Variants in VPS37A observed in about 807,000 individuals in gnomAD.
The protein encoded by VPS37A is vacuolar protein sorting-associated protein 37A.
In VPS37A, 30 loss-of-function variants were observed where a neutral mutation model predicts 49.8. The observed-to-expected ratio is 0.60, with a 90% CI of 0.45 to 0.82. The LOEUF is 0.82. Ranked by LOEUF, VPS37A falls within the 40% of genes least tolerant of loss-of-function variation. The pLI, the probability that VPS37A is intolerant of heterozygous loss-of-function variation, is 0.00. For synonymous variants in VPS37A, 195 were observed against 160.6 expected, an observed-to-expected ratio of 1.21 and a Z score of -1.62; for missense variants, 593 against 464.4, an observed-to-expected ratio of 1.28 and a Z score of -2.55.
downstream of VPS37A, chr8:17,305,908 G>GGT: frequency 6.2e-7 from 1 of 1,613,538 alleles, no homozygotes; most frequent in South Asian, 1.1e-5. Context: ...TCAATGAACT[G>GGT]GTCAATAACT....
At chr8:17,299,700 T>TAAGA (rs1816973913), downstream of VPS37A, 1 of 908,604 alleles carries the variant, frequency 1.1e-6, no homozygotes, top group Non-Finnish European at 1.6e-6. Flanking sequence ...CTTCAGTATC[T>TAAGA]AAGAAATCAA....
At chr8:17,304,937 G>A (rs1013488307), downstream of VPS37A, among the ~76,000 whole-genome samples, 7 of 152,144 alleles carry the variant, frequency 4.6e-5, no homozygotes, top group Non-Finnish European at 8.8e-5. Flanking sequence ...GAGAGAATAA[G>A]TGGTTTCCCA....
the VPS37A span, among the ~76,000 whole-genome samples, chr8:17,326,769 G>A: frequency 6.6e-6 from 1 of 152,190 alleles, no homozygotes; most frequent in African/African-American, 2.4e-5. Context: ...TGAGAACGCA[G>A]CCCAGCTGCC....
the VPS37A span, among the ~76,000 whole-genome samples, chr8:17,309,908 G>C: frequency 6.6e-6 from 1 of 152,178 alleles, no homozygotes; most frequent in Admixed American, 6.5e-5. Flanking sequence ...GCCCTGCTTT[G>C]AAATTAGGGT....
In VPS37A at chr8:17,261,710, G is replaced by A. The variant is rs1361091215; in HGVS notation, c.126-4197G>A. Among the ~76,000 whole-genome samples the A allele has an allele frequency of 2.0e-5, 3 of 152,160 alleles. No individual in the cohort carries two copies. In the East Asian group the frequency reaches 5.8e-4, roughly 29 times the overall value. ...TTTGCCTTGGCTCTAATAAGTACCT[G>A]GAGCAGTGCCCATCTCTAATGGGGG... On this transcript the variant is annotated intron_variant, in intron 1 of 11. Transcript: ENST00000324849.
rs1813930583 is a variant in VPS37A, at chr8:17,270,985, C to CCTCG, written c.416+2030_416+2033dup. 4.6e-5 allele frequency among the ~76,000 whole-genome samples: 7 copies of CCTCG among 152,230 alleles called. No individual in the cohort carries two copies. The South Asian group carries it at 1.5e-3, about 32-fold the overall frequency. Reference sequence around the variant, plus strand: ...ACCCACTGTACAATGGTAGAACAAGCCTCGGGTAACCACTATAGATTCCAA... The same window carrying CCTCG: ...ACCCACTGTACAATGGTAGAACAAGCCTCGCTCGGGTAACCACTATAGATTCCAA... On this transcript the variant is annotated intron_variant, in intron 4 of 11. Transcript: ENST00000324849.
intron 9 of VPS37A, 76 bp downstream of exon 9, chr8:17,280,519 T>G (rs1814956737): frequency 7.5e-7 from 1 of 1,327,294 alleles, no homozygotes; most frequent in Non-Finnish European, 1.0e-6. Context: ...GATCTCACTT[T>G]CATTATCATC....
chr8:17,311,833 T>C, the VPS37A span: 1 of 713,832 alleles, frequency 1.4e-6, no homozygotes. Flanking sequence ...AGCTTTCCCT[T>C]CCCATTCTAT....
chr8:17,330,640 G>T, the VPS37A span, among the ~76,000 whole-genome samples: 1 of 152,098 alleles, frequency 6.6e-6, no homozygotes, highest in Admixed American at 6.5e-5. Context: ...TGTCATGTTC[G>T]CCATATATGT....
At chr8:17,282,833 C>T (rs1222742131) in intron 9 of VPS37A, among the ~76,000 whole-genome samples, 1 of 152,114 alleles carries the variant, frequency 6.6e-6, no homozygotes, top group Non-Finnish European at 1.5e-5. Context: ...GATGAATCTT[C>T]TGCGCTCTTA....
At chr8:17,250,390 A>G (rs1811861922) in intron 1 of VPS37A, among the ~76,000 whole-genome samples, 1 of 152,156 alleles carries the variant, frequency 6.6e-6, no homozygotes, top group African/African-American at 2.4e-5. Flanking sequence ...TGGTTATTCT[A>G]AAGGTGTGGT....
chr8:17,280,986 C>G (rs1471876293), intron 9 of VPS37A, among the ~76,000 whole-genome samples: 1 of 151,810 alleles, frequency 6.6e-6, no homozygotes, highest in Non-Finnish European at 1.5e-5. Context: ...ATAACAACCT[C>G]ATAGTTAATA....
intron 11 of VPS37A, among the ~76,000 whole-genome samples, chr8:17,293,726 G>A (rs531168469): frequency 2.0e-5 from 3 of 152,310 alleles, no homozygotes; most frequent in African/African-American, 7.2e-5. Flanking sequence ...CAGGTCTGCT[G>A]GAGTTTGCTG....
chr8:17,288,692 C>T (rs566632532), intron 11 of VPS37A, among the ~76,000 whole-genome samples: 8 of 152,168 alleles, frequency 5.3e-5, no homozygotes, highest in Middle Eastern at 3.4e-3. Context: ...CGTGTGCATG[C>T]GCCTTTATAG....
chr8:17,257,462 A>T (rs1043114242), intron 1 of VPS37A, among the ~76,000 whole-genome samples: 2 of 152,124 alleles, frequency 1.3e-5, no homozygotes, highest in African/African-American at 2.4e-5. Context: ...GGATACAGGG[A>T]GGGGAACATC....
At chr8:17,276,275 G>A (rs1366564414) in intron 5 of VPS37A, 122 bp from the exon 6 acceptor site, 1 of 722,524 alleles carries the variant, frequency 1.4e-6, no homozygotes, top group Non-Finnish European at 2.2e-6. Context: ...GAGATGTGAA[G>A]ATGAAAATAT....
downstream of VPS37A, chr8:17,298,956 A>G (rs904524648): frequency 6.6e-6 from 1 of 152,206 alleles, no homozygotes; most frequent in African/African-American, 2.4e-5. Flanking sequence ...AGACATGACA[A>G]CCCAATTCTC....
intron 1 of VPS37A, chr8:17,247,697 C>CT: frequency 1.4e-6 from 1 of 702,868 alleles, no homozygotes; most frequent in South Asian, 1.5e-5. Context: ...CGCCACTGAT[C>CT]TTTCCCTTTG....
downstream of VPS37A, chr8:17,300,318 G>C: frequency 1.5e-6 from 2 of 1,311,740 alleles, no homozygotes; most frequent in Non-Finnish European, 2.1e-6. Context: ...CTCCCACGTG[G>C]GTATAATGTT....
Sources: allele counts gnomAD v4.1 joint callset (sites outside exome capture counted in the v4.1 genomes callset), GRCh38; gene constraint gnomAD v4.1.1; transcripts MANE v1.5; gene names NCBI Gene and HGNC (gene_info 2026-07-23, HGNC 2026-07-21).